The following SLC14A2 variants were observed in gnomAD, a reference collection of about 807,000 sequenced individuals.
The protein encoded by SLC14A2 is solute carrier family 14 member 2.
In SLC14A2, 91 loss-of-function variants were observed where a neutral mutation model predicts 104.6. The ratio of observed to expected loss-of-function variants is 0.87; its 90% CI spans 0.73 to 1.04. SLC14A2 has a LOEUF of 1.04. SLC14A2 is among the 50% of genes least tolerant of loss of function. SLC14A2 has a pLI of 0.00. For synonymous variants in SLC14A2, 476 were observed against 466.4 expected (o/e 1.02, Z -0.27); for missense variants, 1,189 against 1,156.0 (o/e 1.03, Z -0.41).
chr18:45,313,686 T>A (rs1462733427), intron 1 of SLC14A2, among the ~76,000 whole-genome samples: 2 of 152,192 alleles, frequency 1.3e-5, no homozygotes, highest in Non-Finnish European at 2.9e-5. Context: ...ATTATGACCA[T>A]CAAACTAGTT....
At chr18:45,549,641 C>T (rs528793478) in intron 2 of SLC14A2, among the ~76,000 whole-genome samples, 1 of 152,348 alleles carries the variant, frequency 6.6e-6, no homozygotes, top group African/African-American at 2.4e-5. Flanking sequence ...TCGGATGCTA[C>T]GGCAAGTTGC....
At chr18:45,547,447 C>T (rs777977053) in intron 2 of SLC14A2, among the ~76,000 whole-genome samples, 3 of 152,132 alleles carry the variant, frequency 2.0e-5, no homozygotes, top group Admixed American at 6.5e-5. Context: ...CCAAGAGAGC[C>T]GCAGAACAGG....
chr18:45,397,748 C>T (rs965709505), intron 1 of SLC14A2, among the ~76,000 whole-genome samples: 1 of 151,912 alleles, frequency 6.6e-6, no homozygotes, highest in Non-Finnish European at 1.5e-5. Flanking sequence ...CTGACTCTGC[C>T]ACTTACTAGC....
intron 1 of SLC14A2, among the ~76,000 whole-genome samples, chr18:45,446,802 G>A (rs1366412611): frequency 4.6e-5 from 7 of 152,136 alleles, no homozygotes; most frequent in Non-Finnish European, 8.8e-5. Flanking sequence ...GAAAGAAGTA[G>A]TCCCAAAATG....
intron 10 of SLC14A2, among the ~76,000 whole-genome samples, chr18:45,655,132 C>A (rs948261780): frequency 6.6e-6 from 1 of 152,212 alleles, no homozygotes; most frequent in African/African-American, 2.4e-5. Context: ...TCCTAACAAC[C>A]TGTCTCCTCA....
chr18:45,210,967 G>T (rs1052903311), upstream of SLC14A2, among the ~76,000 whole-genome samples: 2 of 152,126 alleles, frequency 1.3e-5, no homozygotes, highest in Non-Finnish European at 2.9e-5. Flanking sequence ...GGCCCAGAAT[G>T]ACAAAAATCT....
chr18:45,194,643 A>ATTTTT, the SLC14A2 span, among the ~76,000 whole-genome samples: 190 of 108,798 alleles, frequency 1.7e-3, 8 homozygotes, highest in Middle Eastern at 6.7e-3. Flanking sequence ...TTGGTCTGTA[A>ATTTTT]TTTTTTTTTT....
At chr18:45,170,952 AT>A in the SLC14A2 span, among the ~76,000 whole-genome samples, 1 of 152,146 alleles carries the variant, frequency 6.6e-6, no homozygotes, top group Non-Finnish European at 1.5e-5. Context: ...CTCTCACAGA[AT>A]TTCTAATCTA....
intron 1 of SLC14A2, among the ~76,000 whole-genome samples, chr18:45,255,231 G>A (rs2084464871): frequency 6.6e-6 from 1 of 151,998 alleles, no homozygotes; most frequent in Admixed American, 6.6e-5. Flanking sequence ...GCTTGCTGTA[G>A]CACCCTGCTG....
At chr18:45,491,261 C>T (rs1281622111) in intron 2 of SLC14A2, among the ~76,000 whole-genome samples, 5 of 152,076 alleles carry the variant, frequency 3.3e-5, no homozygotes, top group African/African-American at 4.8e-5. Flanking sequence ...AGTGAGTTCC[C>T]GTGAGCTAGA....
intron 1 of SLC14A2, among the ~76,000 whole-genome samples, chr18:45,368,482 G>A (rs375676743): frequency 5.9e-5 from 9 of 152,086 alleles, no homozygotes; most frequent in African/African-American, 2.2e-4. Context: ...GTAGACAATC[G>A]CTTCCATGGC....
intron 1 of SLC14A2, among the ~76,000 whole-genome samples, chr18:45,397,340 T>C (rs967232441): frequency 6.6e-6 from 1 of 152,212 alleles, no homozygotes; most frequent in African/African-American, 2.4e-5. Context: ...TTATTGACTT[T>C]TTAATAGTAA....
intron 2 of SLC14A2, among the ~76,000 whole-genome samples, chr18:45,603,568 G>A (rs944394913): frequency 6.6e-6 from 1 of 152,090 alleles, no homozygotes; most frequent in Non-Finnish European, 1.5e-5. Context: ...GTATTTCTTC[G>A]TCAAAACTGA....
chr18:45,441,792 C>T (rs945697085), intron 1 of SLC14A2, among the ~76,000 whole-genome samples: 1 of 152,202 alleles, frequency 6.6e-6, no homozygotes, highest in African/African-American at 2.4e-5. Flanking sequence ...CAATATGAAG[C>T]ATGCACTGCA....
chr18:45,353,697 G>C (rs995727642), intron 1 of SLC14A2, among the ~76,000 whole-genome samples: 8 of 152,110 alleles, frequency 5.3e-5, no homozygotes, highest in Non-Finnish European at 7.4e-5. Flanking sequence ...AGATCCCTAG[G>C]GCTGGTGCGT....
At chr18:45,612,313 G>A (rs28633985), upstream of SLC14A2, among the ~76,000 whole-genome samples, 3,501 of 152,312 alleles carry the variant, frequency 0.023, 137 homozygotes, top group African/African-American at 0.081. Context: ...AGAATATTAT[G>A]TGCCCATGAC....
At chr18:45,409,274 CA>C (rs2086188864) in intron 1 of SLC14A2, among the ~76,000 whole-genome samples, 1 of 152,130 alleles carries the variant, frequency 6.6e-6, no homozygotes, top group African/African-American at 2.4e-5. Context: ...TAGATGAGAG[CA>C]AGAGAGTGTG....
At chr18:45,552,076 T>A (rs2044063836) in intron 2 of SLC14A2, among the ~76,000 whole-genome samples, 1 of 152,230 alleles carries the variant, frequency 6.6e-6, no homozygotes, top group African/African-American at 2.4e-5. Context: ...AATAACTAAC[T>A]TTTTAGTAGC....
In SLC14A2 at chr18:45,249,282, C is replaced by CT. The variant is rs879493629; in HGVS notation, c.-125+36105dup. On this transcript the variant is annotated intron_variant, in intron 1 of 20. Transcript: ENST00000586448. ...TTTTTTTGCATAGTCATGCTCCAGC[C>CT]TTTTTTTTTTTTTTATCTGCCCTGT... 7.6e-3 allele frequency among the ~76,000 whole-genome samples: 1,067 copies of CT among 141,028 alleles called. 11 individuals carry two copies. The highest frequency in any genetic ancestry group is 0.022 in the Middle Eastern group (6 of 268). The allele number at this position is 141,028 out of a possible 152,430, so 92.5% of individuals were successfully genotyped here.
Sources: allele counts gnomAD v4.1 joint callset (sites outside exome capture counted in the v4.1 genomes callset), GRCh38; gene constraint gnomAD v4.1.1; transcripts MANE v1.5; gene names NCBI Gene and HGNC (gene_info 2026-07-23, HGNC 2026-07-21).